Variants in MIPOL1 observed in about 807,000 individuals in gnomAD.
The protein encoded by MIPOL1 is mirror-image polydactyly gene 1 protein.
In MIPOL1, 57 loss-of-function variants were observed where a neutral mutation model predicts 60.9. That is an observed-to-expected ratio of 0.94 (90% confidence interval 0.76 to 1.17). The LOEUF is 1.17. MIPOL1 is among the 50% of genes most tolerant of loss of function. MIPOL1 has a pLI of 0.00. For synonymous variants in MIPOL1, 179 were observed against 168.8 expected (o/e 1.06, Z -0.47); for missense variants, 551 against 511.6 (o/e 1.08, Z -0.74).
At chr14:37,270,340 A>G in intron 5 of MIPOL1, 80 bp from the exon 6 acceptor site, 1 of 704,408 alleles carries the variant, frequency 1.4e-6, no homozygotes, top group Non-Finnish European at 2.2e-6. Flanking sequence ...TTAAGAAAAA[A>G]CCAAAAACTT....
chr14:37,251,572 A>G (rs916607501), intron 3 of MIPOL1, among the ~76,000 whole-genome samples: 1 of 151,918 alleles, frequency 6.6e-6, no homozygotes, highest in Non-Finnish European at 1.5e-5. Flanking sequence ...AAAGGAAAAA[A>G]TGAAATGTCA....
At chr14:37,460,108 A>G (rs1163236057) in intron 11 of MIPOL1, among the ~76,000 whole-genome samples, 1 of 151,302 alleles carries the variant, frequency 6.6e-6, no homozygotes, top group Admixed American at 6.6e-5. Flanking sequence ...TAATAATAAT[A>G]ATAATAATAA....
intron 1 of MIPOL1, among the ~76,000 whole-genome samples, chr14:37,207,805 C>G (rs958829590): frequency 3.3e-5 from 5 of 152,170 alleles, no homozygotes; most frequent in Admixed American, 6.5e-5. Context: ...CTCAGCCCCC[C>G]AAAGTGCTGG....
intron 10 of MIPOL1, among the ~76,000 whole-genome samples, chr14:37,390,480 T>A (rs2093207223): frequency 6.6e-6 from 1 of 152,018 alleles, no homozygotes; most frequent in Admixed American, 6.6e-5. Flanking sequence ...GACTTAAAGT[T>A]GATCCAATAT....
chr14:37,225,907 C>G (rs1969639161), intron 1 of MIPOL1, among the ~76,000 whole-genome samples: 2 of 152,108 alleles, frequency 1.3e-5, no homozygotes, highest in Admixed American at 1.3e-4. Context: ...TGAGAAATTT[C>G]TTCCGCCAGA....
intron 12 of MIPOL1, among the ~76,000 whole-genome samples, chr14:37,524,034 G>T (rs1193790340): frequency 6.6e-6 from 1 of 152,164 alleles, no homozygotes; most frequent in African/African-American, 2.4e-5. Flanking sequence ...AAAGGAGGAT[G>T]GAGTAGTATG....
At chr14:37,241,146 C>A in intron 1 of MIPOL1, among the ~76,000 whole-genome samples, 1 of 151,988 alleles carries the variant, frequency 6.6e-6, no homozygotes, top group East Asian at 1.9e-4. Context: ...AGCTTGAGCC[C>A]CAAAAGAGTG....
chr14:37,486,835 G>C (rs1027769967), intron 11 of MIPOL1, among the ~76,000 whole-genome samples: 1 of 152,036 alleles, frequency 6.6e-6, no homozygotes, highest in Non-Finnish European at 1.5e-5. Context: ...TTGCCTGATT[G>C]TCCTGGCTAG....
chr14:37,253,004 C>G (rs527971821), intron 3 of MIPOL1, among the ~76,000 whole-genome samples: 1 of 151,674 alleles, frequency 6.6e-6, no homozygotes, highest in African/African-American at 2.4e-5. Context: ...TTATATACTC[C>G]TTGAAATTAA....
intron 10 of MIPOL1, among the ~76,000 whole-genome samples, chr14:37,372,300 A>C (rs2092661296): frequency 6.6e-6 from 1 of 152,126 alleles, no homozygotes; most frequent in African/African-American, 2.4e-5. Context: ...CACGTAAGGA[A>C]ATACTTTTTA....
At position 37,368,916 on chromosome 14, in the gene MIPOL1, A is replaced by G. The variant is rs555280103; in HGVS notation, c.829-601A>G. 1.6e-4 allele frequency among the ~76,000 whole-genome samples: 24 copies of G among 152,186 alleles called. No homozygotes were observed. The East Asian group carries it at 4.4e-3, about 28-fold the overall frequency. ...ATAGGTGAAAGTGGTCATTTCACAT[A>G]TCTGTTAACCACTTTTACTTAAAAG... On this transcript the variant is annotated intron_variant, in intron 9 of 12. Transcript: ENST00000684589.
intron 3 of MIPOL1, among the ~76,000 whole-genome samples, chr14:37,254,166 A>G (rs1369523729): frequency 6.6e-6 from 1 of 151,852 alleles, no homozygotes; most frequent in South Asian, 2.1e-4. Context: ...TAGAAGAATG[A>G]TTGAGGTTAT....
chr14:37,376,495 C>T (rs2092780261), intron 10 of MIPOL1, among the ~76,000 whole-genome samples: 1 of 151,796 alleles, frequency 6.6e-6, no homozygotes, highest in African/African-American at 2.4e-5. Flanking sequence ...CTTTATAGCT[C>T]CTTTTTTTAA....
intron 1 of MIPOL1, among the ~76,000 whole-genome samples, chr14:37,232,562 C>A (rs1240206782): frequency 2.0e-5 from 3 of 151,938 alleles, no homozygotes; most frequent in African/African-American, 7.3e-5. Flanking sequence ...TCTGACTATT[C>A]TTTTTCCTCT....
intron 9 of MIPOL1, among the ~76,000 whole-genome samples, chr14:37,363,236 A>G (rs576782304): frequency 9.9e-5 from 15 of 152,180 alleles, no homozygotes; most frequent in Non-Finnish European, 1.6e-4. Flanking sequence ...GTTTCTCCCC[A>G]TCTTTATGTA....
At chr14:37,222,325 T>G (rs1039124232) in intron 1 of MIPOL1, among the ~76,000 whole-genome samples, 1 of 151,002 alleles carries the variant, frequency 6.6e-6, no homozygotes, top group Non-Finnish European at 1.5e-5. Context: ...TGGGCTCAAG[T>G]GATCCTCCCA....
intron 11 of MIPOL1, among the ~76,000 whole-genome samples, chr14:37,476,735 AT>A (rs2094780140): frequency 6.6e-6 from 1 of 151,928 alleles, no homozygotes; most frequent in Non-Finnish European, 1.5e-5. Flanking sequence ...ACATTAATTG[AT>A]TTTTGAATGT....
intron 9 of MIPOL1, among the ~76,000 whole-genome samples, chr14:37,331,883 C>T (rs2089720808): frequency 6.6e-6 from 1 of 152,068 alleles, no homozygotes; most frequent in African/African-American, 2.4e-5. Flanking sequence ...AGGCACGGTG[C>T]TTCACGCCTG....
intron 11 of MIPOL1, among the ~76,000 whole-genome samples, chr14:37,444,796 G>A (rs190897682): frequency 5.9e-5 from 9 of 152,066 alleles, no homozygotes; most frequent in Admixed American, 4.6e-4. Context: ...AATGTAATCC[G>A]GCATATAAAC....
Sources: allele counts gnomAD v4.1 joint callset (sites outside exome capture counted in the v4.1 genomes callset), GRCh38; gene constraint gnomAD v4.1.1; transcripts MANE v1.5; gene names NCBI Gene and HGNC (gene_info 2026-07-23, HGNC 2026-07-21).